Variants in POM121C observed in about 807,000 individuals in gnomAD.
POM121C encodes nuclear envelope pore membrane protein POM 121C.
Under a neutral mutation model 66.4 loss-of-function variants are expected in POM121C, and 20 were observed. The ratio of observed to expected loss-of-function variants is 0.30; its 90% CI spans 0.21 to 0.44. The LOEUF is 0.44. Among genes scored for constraint, POM121C ranks in the 20% least tolerant of loss-of-function variants. POM121C has a pLI of 1.00. For synonymous variants in POM121C, 286 were observed against 528.0 expected, an observed-to-expected ratio of 0.54 and a Z score of 6.28; for missense variants, 580 against 1,225.7, an observed-to-expected ratio of 0.47 and a Z score of 7.87.
At chr7:75,428,933 T>C (rs1202764509) in intron 7 of POM121C, among the ~76,000 whole-genome samples, 4 of 145,622 alleles carry the variant, frequency 2.7e-5, no homozygotes, top group Non-Finnish European at 6.0e-5. Context: ...CTAGGCAATA[T>C]AGTGAGGTCT....
intron 12 of POM121C, 114 bp downstream of exon 12, chr7:75,423,935 G>C: frequency 6.6e-7 from 1 of 1,509,534 alleles, no homozygotes; most frequent in South Asian, 1.2e-5. Flanking sequence ...CTGAGCCAGG[G>C]TGCGTTCGGC....
chr7:75,473,258 C>T (rs1791940648), intron 3 of POM121C, among the ~76,000 whole-genome samples: 1 of 151,878 alleles, frequency 6.6e-6, no homozygotes, highest in African/African-American at 2.4e-5. Context: ...CAAAAATACA[C>T]AGGAAAAAAG....
chr7:75,426,797 CAAAAAAA>C lies in POM121C; in HGVS notation c.481-351_481-345del, dbSNP rs543569250. ...TGGGTGACAGAGTGAGACCCTGTCT[CAAAAAAA>C]AAAAAAAAAAAAAAAAAATAGAAAA... is the stretch of plus-strand genomic sequence containing the variant. On this transcript the variant is annotated intron_variant, in intron 7 of 14. Coordinates refer to ENST00000615331, the MANE Select transcript of POM121C (RefSeq NM_001099415.3). Among the ~76,000 whole-genome samples the C allele has an allele frequency of 3.6e-4, 22 of 61,080 alleles. No individual in the cohort carries two copies. The East Asian group carries it at 7.3e-3, about 20-fold the overall frequency. 40.1% of individuals were successfully genotyped at this position (61,080 alleles called of 152,430 possible).
In POM121C at chr7:75,418,577, C is replaced by T. The variant is rs1325128716; in HGVS notation, c.*219G>A. On this transcript the variant is annotated 3_prime_UTR_variant, in exon 15 of 15. Coordinates refer to ENST00000615331, the MANE Select transcript of POM121C (RefSeq NM_001099415.3). Reference sequence around the variant, plus strand: ...AGTGGAACTGTTCAAGTAGAGGTCCCGGGCTTTGGCCCTCCGCATCCTGCT... The same window carrying T: ...AGTGGAACTGTTCAAGTAGAGGTCCTGGGCTTTGGCCCTCCGCATCCTGCT... 20 of 1,345,774 alleles carry T rather than the reference C, an allele frequency of 1.5e-5. No individual in the cohort carries two copies. In the African/African-American group the frequency reaches 1.7e-4, roughly 11 times the overall value. The allele number at this position is 1,345,774 out of a possible 1,614,324, so 83.4% of individuals were successfully genotyped here. A position where few individuals can be genotyped will look rare whatever the true frequency, so the allele number is the denominator to read the frequency against.
intron 1 of POM121C, among the ~76,000 whole-genome samples, chr7:75,479,607 C>A (rs1477699840): frequency 8.1e-6 from 1 of 124,012 alleles, no homozygotes; most frequent in Non-Finnish European, 1.6e-5. Flanking sequence ...CAGAGTGAGA[C>A]TCTGTCTCTA....
At position 75,418,863 on chromosome 7, in the gene POM121C, G is replaced by A. The variant is rs367897445; in HGVS notation, c.2897C>T (p.Ala966Val). Reference sequence around the variant, plus strand: ...TCGAGCCCCTGGGGTCTTGGATCCCGCACCAATGGAAAATGAAGGGGCCGC... The same window carrying A: ...TCGAGCCCCTGGGGTCTTGGATCCCACACCAATGGAAAATGAAGGGGCCGC... ...GSAAPSFSIG[A>V]GSKTPGARQR... Residue 966 changes from alanine to valine, a missense_variant, in exon 15 of 15, where the codon GCG (alanine) becomes GTG (valine). Coordinates refer to ENST00000615331, the MANE Select transcript of POM121C (RefSeq NM_001099415.3). The A allele has an allele frequency of 1.2e-5, 19 of 1,611,494 alleles. No homozygotes were observed. In the African/African-American group the frequency reaches 1.2e-4, roughly 10 times the overall value.
In POM121C at chr7:75,421,905, C is replaced by T. The variant is rs367963614; in HGVS notation, c.2347G>A (p.Ala783Thr). The part of the protein sequence containing the change: ...SAFGLKATAS[A>T]FGAPASSQPA... ...TGTGAGCTGGCGGGAGCGCCGAAGG[C>T]GGAAGCCGTGGCTTTCAATCCAAAC... is the stretch of plus-strand genomic sequence containing the variant. The change falls in exon 13 of 15, where the codon GCC (alanine) becomes ACC (threonine). Residue 783 changes from alanine (A) to threonine (T), a missense_variant. By Grantham distance (58) the Ala-to-Thr change is moderately conservative. Coordinates refer to ENST00000615331, the MANE Select transcript of POM121C (RefSeq NM_001099415.3). The T allele has an allele frequency of 1.8e-4, 298 of 1,612,788 alleles. 2 individuals carry two copies. The highest frequency in any genetic ancestry group is 1.7e-3 in the African/African-American group (124 of 75,060).
intron 3 of POM121C, among the ~76,000 whole-genome samples, chr7:75,460,260 G>A (rs1179692440): frequency 6.9e-6 from 1 of 145,242 alleles, no homozygotes; most frequent in African/African-American, 2.8e-5. Context: ...AGGGGGCCGA[G>A]GCGGAGGGAA....
At chr7:75,485,718 T>C (rs1399762572) in intron 1 of POM121C, 146 bp downstream of exon 1, 1 of 372,582 alleles carries the variant, frequency 2.7e-6, no homozygotes, top group African/African-American at 2.1e-5. Flanking sequence ...ACCTGTTCGG[T>C]GCAGCCGGAC....
At chr7:75,477,270 T>G (rs1393788138) in intron 1 of POM121C, among the ~76,000 whole-genome samples, 1 of 151,854 alleles carries the variant, frequency 6.6e-6, no homozygotes, top group Non-Finnish European at 1.5e-5. Context: ...AGAAAACAAT[T>G]AGAGGAATAT....
At chr7:75,449,820 A>G (rs1369370792) in intron 3 of POM121C, among the ~76,000 whole-genome samples, 1 of 152,046 alleles carries the variant, frequency 6.6e-6, no homozygotes, top group Non-Finnish European at 1.5e-5. Flanking sequence ...GTTCGAGACC[A>G]GCCTGGCCAA....
At chr7:75,465,192 A>G (rs1791583101) in intron 3 of POM121C, among the ~76,000 whole-genome samples, 1 of 151,810 alleles carries the variant, frequency 6.6e-6, no homozygotes, top group Non-Finnish European at 1.5e-5. Context: ...TTGGGGTTTC[A>G]CCATGTTGGC....
chr7:75,451,243 G>A lies in POM121C; in HGVS notation c.-151-9596C>T, dbSNP rs369800417. Reference sequence around the variant, plus strand: ...GACGATACTAAGCAAAAAGAACAAAGGTGGAGGCATAACGCTACCTGACTT... The same window carrying A: ...GACGATACTAAGCAAAAAGAACAAAAGTGGAGGCATAACGCTACCTGACTT... On this transcript the variant is annotated intron_variant, in intron 3 of 14. Coordinates refer to ENST00000615331, the MANE Select transcript of POM121C (RefSeq NM_001099415.3). Among the ~76,000 whole-genome samples, 97 of 151,740 alleles carry A rather than the reference G, an allele frequency of 6.4e-4. 1 individual carries two copies. The East Asian group carries it at 0.017, about 26-fold the overall frequency.
At chr7:75,425,494 G>C (rs1337321821) in intron 9 of POM121C, 141 bp downstream of exon 9, 25 of 1,189,846 alleles carry the variant, frequency 2.1e-5, no homozygotes, top group Middle Eastern at 2.7e-4. Context: ...TTCTGAAGGA[G>C]AGGAAATCTC....
chr7:75,441,216 T>C (rs774912845), intron 4 of POM121C, 101 bp from the exon 5 acceptor site: 164 of 1,541,592 alleles, frequency 1.1e-4, no homozygotes, highest in Non-Finnish European at 1.4e-4. Flanking sequence ...GTATAATTTA[T>C]ACACTCACAA....
chr7:75,436,796 C>G (rs587764559), intron 7 of POM121C, among the ~76,000 whole-genome samples: 1 of 151,842 alleles, frequency 6.6e-6, no homozygotes, highest in Admixed American at 6.6e-5. Flanking sequence ...CATTTTTTTC[C>G]TTTTCTTTGA....
intron 7 of POM121C, among the ~76,000 whole-genome samples, chr7:75,427,154 G>C (rs1431501351): frequency 6.6e-6 from 1 of 152,232 alleles, no homozygotes; most frequent in Non-Finnish European, 1.5e-5. Context: ...GGCCAGGCGT[G>C]GTGGCTCACG....
In POM121C at chr7:75,485,476, C is replaced by A. The variant is rs587594210; in HGVS notation, c.-458+388G>T. 9.2e-5 allele frequency among the ~76,000 whole-genome samples: 14 copies of A among 152,246 alleles called. No individual in the cohort carries two copies. The South Asian group carries it at 2.9e-3, about 32-fold the overall frequency. Reference sequence around the variant, plus strand: ...AGCAGAGAATCCCTGCAGACTGTTCCTGCATTACTACGATTCTCCCAGGGC... The same window carrying A: ...AGCAGAGAATCCCTGCAGACTGTTCATGCATTACTACGATTCTCCCAGGGC... On this transcript the variant is annotated intron_variant, in intron 1 of 14. Coordinates refer to ENST00000615331, the MANE Select transcript of POM121C (RefSeq NM_001099415.3).
At chr7:75,447,761 C>T (rs1179771458) in intron 3 of POM121C, among the ~76,000 whole-genome samples, 19 of 151,798 alleles carry the variant, frequency 1.3e-4, no homozygotes, top group Non-Finnish European at 2.1e-4. Flanking sequence ...CAGTGGCTCA[C>T]GCCTGTAATC....
Sources: gnomAD v4.1 joint callset for allele counts (sites outside exome capture counted in the v4.1 genomes callset) on GRCh38, gnomAD v4.1.1 for gene constraint, MANE v1.5 for transcripts, NCBI Gene and HGNC (gene_info 2026-07-23, HGNC 2026-07-21) for gene names.